Variants in BMPR1B observed in about 807,000 individuals in gnomAD.
BMPR1B encodes the protein bone morphogenetic protein receptor type 1B.
A neutral mutation model predicts 59.1 loss-of-function variants in BMPR1B; 12 were observed. That is an observed-to-expected ratio of 0.20 (90% CI 0.13 to 0.33). The LOEUF (loss-of-function observed/expected upper bound fraction) is 0.33. Ranked by LOEUF, BMPR1B falls within the 10% of genes least tolerant of loss-of-function variation. The pLI is 1.00. For missense variants in BMPR1B, 550 were observed against 610.9 expected (o/e 0.90, Z 1.05); for synonymous variants, 237 against 207.3 (o/e 1.14, Z -1.23).
chr4:95,111,838 A>ATTG (rs2149274138), intron 4 of BMPR1B, among the ~76,000 whole-genome samples: 1 of 152,162 alleles, frequency 6.6e-6, no homozygotes, highest in East Asian at 1.9e-4. Flanking sequence ...TTGTAACAAA[A>ATTG]TTGTTCCTGT....
chr4:95,125,023 T>G lies in BMPR1B; in HGVS notation c.487T>G (p.Leu163Val). ...QETRPRYSIG[L>V]EQDETYIPPG... ...AACCAGACCTCGATACAGCATTGGG[T>G]TAGAACAGGATGAAACTTACATTCC... is the stretch of plus-strand genomic sequence containing the variant. The change falls in exon 8 of 13, where the codon TTA becomes GTA. Residue 163 changes from leucine (L) to valine (V), a missense_variant. Coordinates refer to ENST00000515059, the MANE Select transcript of BMPR1B (RefSeq NM_001203.3). The G allele has an allele frequency of 6.2e-7, 1 of 1,613,498 alleles. No homozygotes were observed. The highest frequency in any genetic ancestry group is 8.5e-7 in the Non-Finnish European group (1 of 1,179,532).
At chr4:94,906,679 A>C (rs1175582521) in intron 2 of BMPR1B, among the ~76,000 whole-genome samples, 3 of 152,058 alleles carry the variant, frequency 2.0e-5, no homozygotes, top group African/African-American at 7.2e-5. Flanking sequence ...AGAAAGATGC[A>C]TCCTTTCATT....
At chr4:94,780,347 C>T (rs1722541758) in intron 1 of BMPR1B, among the ~76,000 whole-genome samples, 1 of 152,058 alleles carries the variant, frequency 6.6e-6, no homozygotes, top group Admixed American at 6.6e-5. Context: ...TAGCATGTGT[C>T]ACTACGTAAT....
At chr4:95,071,363 A>G (rs1579028419) in intron 3 of BMPR1B, among the ~76,000 whole-genome samples, 1 of 152,104 alleles carries the variant, frequency 6.6e-6, no homozygotes, top group Non-Finnish European at 1.5e-5. Flanking sequence ...AAATTTATAG[A>G]AACTAAATTA....
intron 2 of BMPR1B, among the ~76,000 whole-genome samples, chr4:94,903,191 G>A (rs1727896639): frequency 1.3e-5 from 2 of 151,912 alleles, no homozygotes; most frequent in South Asian, 4.1e-4. Flanking sequence ...TAGAACTTAG[G>A]GCAAAGTGTA....
At chr4:94,888,109 A>G (rs1281750527) in intron 2 of BMPR1B, among the ~76,000 whole-genome samples, 2 of 152,128 alleles carry the variant, frequency 1.3e-5, no homozygotes, top group African/African-American at 4.8e-5. Context: ...TATTTTACTC[A>G]GTGAAATAAA....
Position 95,116,421 on chromosome 4 carries a change from G to GCGCGCGCACACACACACA in BMPR1B, c.349+635_349+636insGCGCGCACACACACACAC. Among the ~76,000 whole-genome samples the GCGCGCGCACACACACACA allele has an allele frequency of 3.2e-4, 39 of 123,246 alleles. 1 individual carries two copies. The highest frequency in any genetic ancestry group is 1.2e-3 in the African/African-American group (34 of 27,854). The allele number at this position is 123,246 out of a possible 152,430, so 80.9% of individuals were successfully genotyped here. On this transcript the variant is annotated intron_variant, in intron 6 of 12. Transcript: ENST00000515059. ...CTCCTCCTCCATGCTTTCAGCGCGC[G>GCGCGCGCACACACACACA]CACACACACACACACACACACACAC...
intron 2 of BMPR1B, among the ~76,000 whole-genome samples, chr4:94,925,183 T>G (rs1432575902): frequency 6.6e-6 from 1 of 152,112 alleles, no homozygotes; most frequent in Admixed American, 6.6e-5. Flanking sequence ...AAGCATGACA[T>G]TAAGAATATG....
chr4:94,954,569 G>T (rs535024626), intron 2 of BMPR1B, among the ~76,000 whole-genome samples: 1 of 152,318 alleles, frequency 6.6e-6, no homozygotes, highest in Admixed American at 6.5e-5. Flanking sequence ...CCCATAAAGA[G>T]ACTAGTTAAG....
Position 95,148,166 on chromosome 4 carries a change from T to C in BMPR1B, c.1077-582T>C, listed in dbSNP as rs770084747. Reference sequence around the variant, plus strand: ...CTTTGTTGGTTCTCTCCTTCTCCCCTTTTGAAACCTGTTTATAGATCTAAG... The same window carrying C: ...CTTTGTTGGTTCTCTCCTTCTCCCCCTTTGAAACCTGTTTATAGATCTAAG... On this transcript the variant is annotated intron_variant, in intron 10 of 12. Coordinates refer to ENST00000515059, the MANE Select transcript of BMPR1B (RefSeq NM_001203.3). Among the ~76,000 whole-genome samples the C allele has an allele frequency of 3.6e-4, 55 of 152,196 alleles. 1 individual carries two copies. Among genetic ancestry groups the C allele is most frequent in the Non-Finnish European group, 6.5e-4 (44 of 68,024 alleles).
rs541869528 is a variant in BMPR1B at position 94,868,542 on chromosome 4, TG to T, written c.-182-7285del. Reference sequence around the variant, plus strand: ...TCCCCACTGTCATTGGAGCTGAGTGTGGGGAGACCAAATGAAATCCTGTTTC... The same window carrying T: ...TCCCCACTGTCATTGGAGCTGAGTGTGGGAGACCAAATGAAATCCTGTTTC... On this transcript the variant is annotated intron_variant, in intron 1 of 12. Transcript: ENST00000515059. 3.2e-4 allele frequency among the ~76,000 whole-genome samples: 48 copies of T among 152,252 alleles called. No homozygotes were observed. In the East Asian group the frequency reaches 8.7e-3, roughly 28 times the overall value.
intron 3 of BMPR1B, among the ~76,000 whole-genome samples, chr4:95,044,234 C>T (rs1335171022): frequency 6.6e-6 from 1 of 152,124 alleles, no homozygotes; most frequent in African/African-American, 2.4e-5. Flanking sequence ...TTTGAAACAG[C>T]ACCCTTTTAA....
intron 2 of BMPR1B, among the ~76,000 whole-genome samples, chr4:94,943,977 T>G (rs531798591): frequency 1.3e-5 from 2 of 152,300 alleles, no homozygotes; most frequent in Admixed American, 1.3e-4. Flanking sequence ...CCTAACCCTT[T>G]TGAGTACCGA....
chr4:94,889,603 C>G (rs1727311424), intron 2 of BMPR1B, among the ~76,000 whole-genome samples: 1 of 151,998 alleles, frequency 6.6e-6, no homozygotes, highest in Admixed American at 6.6e-5. Context: ...TGCCTCCTTC[C>G]TTTTTTCATT....
At chr4:95,086,324 T>C (rs1353174200) in intron 3 of BMPR1B, among the ~76,000 whole-genome samples, 2 of 152,210 alleles carry the variant, frequency 1.3e-5, no homozygotes, top group Admixed American at 6.5e-5. Context: ...ATTTCAGATA[T>C]GAAAGTACCG....
intron 1 of BMPR1B, among the ~76,000 whole-genome samples, chr4:94,780,561 A>G (rs1447249910): frequency 1.3e-5 from 2 of 151,902 alleles, no homozygotes; most frequent in Admixed American, 6.6e-5. Context: ...GGGTCATATG[A>G]TAACTCTGTG....
At chr4:94,794,779 C>G (rs1397746852) in intron 1 of BMPR1B, among the ~76,000 whole-genome samples, 1 of 151,276 alleles carries the variant, frequency 6.6e-6, no homozygotes, top group Non-Finnish European at 1.5e-5. Flanking sequence ...GTCTTTGAAG[C>G]AATTGTGAAT....
intron 2 of BMPR1B, among the ~76,000 whole-genome samples, chr4:94,880,256 A>AG (rs1184662932): frequency 6.6e-6 from 1 of 152,184 alleles, no homozygotes; most frequent in Non-Finnish European, 1.5e-5. Context: ...TTGTCTCCAT[A>AG]AATTCAAGGC....
chr4:95,115,265 A>G (rs920086655), intron 5 of BMPR1B, among the ~76,000 whole-genome samples: 7 of 152,228 alleles, frequency 4.6e-5, no homozygotes, highest in African/African-American at 1.4e-4. Flanking sequence ...TTTAAGTGAC[A>G]CATGATTGTA....
Sources: allele counts gnomAD v4.1 joint callset (sites outside exome capture counted in the v4.1 genomes callset), GRCh38; gene constraint gnomAD v4.1.1; transcripts MANE v1.5; gene names NCBI Gene and HGNC (gene_info 2026-07-23, HGNC 2026-07-21).